Variants in FAM107B observed in about 807,000 individuals in gnomAD.
FAM107B encodes family with sequence similarity 107 member B.
In FAM107B, 21 loss-of-function variants were observed where a neutral mutation model predicts 31.5. The ratio of observed to expected loss-of-function variants is 0.67; its 90% confidence interval spans 0.47 to 0.96. The LOEUF is 0.96. Ranked by LOEUF, FAM107B falls within the 40% of genes least tolerant of loss-of-function variation. The pLI, the probability that FAM107B is intolerant of heterozygous loss-of-function variation, is 0.00. For missense variants in FAM107B, 452 were observed against 377.1 expected (o/e 1.20, Z -1.64); for synonymous variants, 157 against 141.5 (o/e 1.11, Z -0.78).
At chr10:14,594,510 A>C (rs919801844) in intron 2 of FAM107B, among the ~76,000 whole-genome samples, 2 of 134,760 alleles carry the variant, frequency 1.5e-5, no homozygotes, top group African/African-American at 2.9e-5. Context: ...CCAAAAAAAA[A>C]AAAAAAACAA....
chr10:14,525,914 T>C (rs944561098), intron 3 of FAM107B, among the ~76,000 whole-genome samples: 5 of 152,188 alleles, frequency 3.3e-5, no homozygotes, highest in Non-Finnish European at 7.3e-5. Flanking sequence ...ACAGACAACT[T>C]TGAAAGGTAC....
chr10:14,758,736 C>T (rs375382177), intron 1 of FAM107B, among the ~76,000 whole-genome samples: 52 of 152,080 alleles, frequency 3.4e-4, no homozygotes, highest in African/African-American at 1.2e-3. Context: ...TCTGAGGCCG[C>T]GAGTGCTGGC....
intron 2 of FAM107B, among the ~76,000 whole-genome samples, chr10:14,585,691 A>G (rs1851799779): frequency 6.6e-6 from 1 of 152,232 alleles, no homozygotes; most frequent in African/African-American, 2.4e-5. Context: ...TAACAAGTAC[A>G]CAAAGAGAGG....
intron 1 of FAM107B, among the ~76,000 whole-genome samples, chr10:14,772,412 ACT>A (rs1252917189): frequency 1.3e-5 from 2 of 151,622 alleles, no homozygotes; most frequent in Non-Finnish European, 2.9e-5. Flanking sequence ...TGGCTGAGAT[ACT>A]CTGTGTAAAG....
At chr10:14,563,924 TA>T (rs1268680911) in intron 2 of FAM107B, among the ~76,000 whole-genome samples, 1 of 152,186 alleles carries the variant, frequency 6.6e-6, no homozygotes, top group Non-Finnish European at 1.5e-5. Flanking sequence ...AAAAAATCAC[TA>T]AAGAGATAAA....
chr10:14,743,297 T>C (rs957914371), intron 1 of FAM107B, among the ~76,000 whole-genome samples: 2 of 152,212 alleles, frequency 1.3e-5, no homozygotes, highest in Non-Finnish European at 2.9e-5. Context: ...TTTTCTCCCA[T>C]TCTGCAAGTT....
At chr10:14,581,756 A>C (rs1287820339) in intron 2 of FAM107B, among the ~76,000 whole-genome samples, 1 of 152,164 alleles carries the variant, frequency 6.6e-6, no homozygotes, top group African/African-American at 2.4e-5. Flanking sequence ...AGTAAAACTC[A>C]AGTGAGCGTG....
chr10:14,626,340 G>A (rs952179325), intron 2 of FAM107B, among the ~76,000 whole-genome samples: 10 of 152,058 alleles, frequency 6.6e-5, no homozygotes, highest in Admixed American at 2.6e-4. Flanking sequence ...ACAGTTTTCA[G>A]TCAGACTGTG....
intron 2 of FAM107B, among the ~76,000 whole-genome samples, chr10:14,588,724 G>C (rs143786121): frequency 6.6e-6 from 1 of 152,004 alleles, no homozygotes; most frequent in Non-Finnish European, 1.5e-5. Context: ...CCCCACACAC[G>C]CTGTCTCCCA....
At chr10:14,742,006 G>A (rs1000631955) in intron 1 of FAM107B, among the ~76,000 whole-genome samples, 4 of 151,180 alleles carry the variant, frequency 2.6e-5, no homozygotes, top group South Asian at 2.1e-4. Flanking sequence ...GAGCCACCGC[G>A]TGCGGCCAAC....
At chr10:14,745,748 T>C (rs1393757950) in intron 1 of FAM107B, among the ~76,000 whole-genome samples, 1 of 152,114 alleles carries the variant, frequency 6.6e-6, no homozygotes, top group Non-Finnish European at 1.5e-5. Context: ...GTGAGTGCCA[T>C]GTGTTGCTGA....
At chr10:14,681,001 T>A (rs1017820913) in intron 1 of FAM107B, among the ~76,000 whole-genome samples, 5 of 152,160 alleles carry the variant, frequency 3.3e-5, no homozygotes, top group African/African-American at 9.7e-5. Context: ...CACTCAGCCA[T>A]CCAGGATCAG....
chr10:14,741,493 A>G (rs979673321), intron 1 of FAM107B, among the ~76,000 whole-genome samples: 1 of 152,114 alleles, frequency 6.6e-6, no homozygotes, highest in Non-Finnish European at 1.5e-5. Context: ...TGAGTGGAGA[A>G]AAGTGTGAAT....
chr10:14,717,524 T>C (rs1047703601), intron 1 of FAM107B, among the ~76,000 whole-genome samples: 4 of 152,030 alleles, frequency 2.6e-5, no homozygotes, highest in African/African-American at 9.7e-5. Flanking sequence ...GTCCAAAGGC[T>C]GAAGAACCTG....
At chr10:14,749,732 ACCATCCTCC>A (rs1832791334) in intron 1 of FAM107B, among the ~76,000 whole-genome samples, 1 of 152,130 alleles carries the variant, frequency 6.6e-6, no homozygotes, top group Non-Finnish European at 1.5e-5. Context: ...GAGCAGGGGC[ACCATCCTCC>A]CTACCATCCC....
At chr10:14,690,940 A>C (rs895297998) in intron 1 of FAM107B, among the ~76,000 whole-genome samples, 31 of 51,574 alleles carry the variant, frequency 6.0e-4, no homozygotes, top group African/African-American at 3.0e-3. Flanking sequence ...TTGTTGATTG[A>C]TTGATTGATT....
rs1367341171 is a variant in FAM107B, at chr10:14,677,340, G to C, written c.412-9649C>G. Among the ~76,000 whole-genome samples the C allele has an allele frequency of 3.3e-5, 5 of 152,290 alleles. 1 individual carries two copies. In the South Asian group the frequency reaches 8.3e-4, roughly 25 times the overall value. On this transcript the variant is annotated intron_variant, in intron 1 of 4. Transcript: ENST00000181796. ...TCTCTTTTTAAAGCTACAGATACCT[G>C]GCCGGGCGCGGTGGCTCAATCCTGT... is the stretch of plus-strand genomic sequence containing the variant.
intron 2 of FAM107B, among the ~76,000 whole-genome samples, chr10:14,565,863 AC>A (rs1850620940): frequency 6.6e-6 from 1 of 152,150 alleles, no homozygotes; most frequent in East Asian, 1.9e-4. Context: ...GGGATGTTTC[AC>A]AGAGGAGGAT....
intron 2 of FAM107B, among the ~76,000 whole-genome samples, chr10:14,542,080 C>G (rs557458447): frequency 6.6e-6 from 1 of 151,834 alleles, no homozygotes; most frequent in East Asian, 1.9e-4. Context: ...CAAGTAGAAA[C>G]CCCATCTCTA....
Sources: gnomAD v4.1 joint callset for allele counts (sites outside exome capture counted in the v4.1 genomes callset) on GRCh38, gnomAD v4.1.1 for gene constraint, MANE v1.5 for transcripts, NCBI Gene and HGNC (gene_info 2026-07-23, HGNC 2026-07-21) for gene names.